FGD5: variants seen among roughly 807,000 people sequenced by gnomAD.
The protein encoded by FGD5 is FYVE, RhoGEF and PH domain containing 5.
FGD5 carries 28 observed loss-of-function variants against 133.4 expected under a neutral mutation model. The observed-to-expected ratio is 0.21, with a 90% CI of 0.16 to 0.29. The LOEUF is 0.29. FGD5 is among the 10% of genes least tolerant of loss of function. The probability of loss-of-function intolerance (pLI) is 1.00; values close to 1 mark genes in which losing one functional copy is unlikely to be tolerated. For synonymous variants in FGD5, 810 were observed against 776.5 expected (o/e 1.04, Z -0.72); for missense variants, 1,858 against 1,895.2 (o/e 0.98, Z 0.36).
chr3:14,908,941 T>TTCATTCATTC (rs1559502063), intron 10 of FGD5, among the ~76,000 whole-genome samples: 5 of 149,844 alleles, frequency 3.3e-5, no homozygotes, highest in African/African-American at 1.2e-4. Context: ...TTTATTTATT[T>TTCATTCATTC]ATTTATTTAT....
At chr3:14,852,840 CTCACT>C (rs2037192917) in intron 1 of FGD5, among the ~76,000 whole-genome samples, 1 of 152,192 alleles carries the variant, frequency 6.6e-6, no homozygotes, top group Non-Finnish European at 1.5e-5. Flanking sequence ...GAAAGGGAGC[CTCACT>C]TCAGACACGA....
intron 1 of FGD5, among the ~76,000 whole-genome samples, chr3:14,846,099 C>T (rs916117494): frequency 2.0e-5 from 3 of 152,130 alleles, no homozygotes; most frequent in African/African-American, 4.8e-5. Flanking sequence ...TGTTTCATGT[C>T]GGAATTATCT....
intron 1 of FGD5, among the ~76,000 whole-genome samples, chr3:14,849,601 G>C (rs2037120068): frequency 6.6e-6 from 1 of 152,140 alleles, no homozygotes; most frequent in Admixed American, 6.5e-5. Flanking sequence ...CACTAAGCTG[G>C]TTGAAAGGAT....
intron 2 of FGD5, among the ~76,000 whole-genome samples, chr3:14,871,642 G>A (rs1307725997): frequency 6.6e-6 from 1 of 152,196 alleles, no homozygotes; most frequent in Non-Finnish European, 1.5e-5. Flanking sequence ...GGGGCTCCAA[G>A]GTTCTGGAGG....
chr3:14,831,973 C>T (rs922714171), intron 1 of FGD5, among the ~76,000 whole-genome samples: 4 of 152,146 alleles, frequency 2.6e-5, no homozygotes, highest in South Asian at 2.1e-4. Flanking sequence ...CCCAGTGTCA[C>T]GGTTCTCAGA....
intron 1 of FGD5, among the ~76,000 whole-genome samples, chr3:14,823,114 A>G (rs1414434837): frequency 6.6e-6 from 1 of 152,202 alleles, no homozygotes; most frequent in East Asian, 1.9e-4. Context: ...TGCGAGCTGC[A>G]AGAGGGGTAG....
At chr3:14,860,129 A>T (rs2037368860) in intron 1 of FGD5, among the ~76,000 whole-genome samples, 1 of 152,184 alleles carries the variant, frequency 6.6e-6, no homozygotes, top group Non-Finnish European at 1.5e-5. Context: ...GCCCAATGAC[A>T]GGAGTGGGAC....
At chr3:14,880,477 T>C in intron 2 of FGD5, 95 bp from the exon 3 acceptor site, 1 of 1,161,534 alleles carries the variant, frequency 8.6e-7, no homozygotes, top group Non-Finnish European at 1.2e-6. Context: ...GGAAATGGTC[T>C]GCAAAATGCT....
At chr3:14,900,576 T>G in intron 8 of FGD5, 123 bp downstream of exon 8, 1 of 1,112,278 alleles carries the variant, frequency 9.0e-7, no homozygotes, top group Non-Finnish European at 1.3e-6. Context: ...GCTGGGTGGG[T>G]TCTGCATATG....
At chr3:14,817,713 G>A (rs1276316612), upstream of FGD5, among the ~76,000 whole-genome samples, 1 of 152,184 alleles carries the variant, frequency 6.6e-6, no homozygotes, top group Admixed American at 6.5e-5. Flanking sequence ...GAGCCAGGCT[G>A]TTATTTTGAG....
chr3:14,817,780 C>A (rs899336501), upstream of FGD5, among the ~76,000 whole-genome samples: 3 of 152,130 alleles, frequency 2.0e-5, no homozygotes, highest in Non-Finnish European at 4.4e-5. Flanking sequence ...TTAGACCAGG[C>A]TGAAGGAGAA....
intron 11 of FGD5, 115 bp downstream of exon 11, chr3:14,911,044 C>T: frequency 1.0e-6 from 1 of 982,014 alleles, no homozygotes. Flanking sequence ...ACAGAGCAGA[C>T]ATTTGGGGGT....
chr3:14,899,426 C>T (rs1282155954), intron 7 of FGD5, among the ~76,000 whole-genome samples: 1 of 152,160 alleles, frequency 6.6e-6, no homozygotes, highest in Non-Finnish European at 1.5e-5. Context: ...CTCCTCTGTT[C>T]TGAGCTCCAG....
intron 2 of FGD5, among the ~76,000 whole-genome samples, chr3:14,868,062 G>A (rs1046564699): frequency 3.3e-5 from 5 of 152,106 alleles, no homozygotes; most frequent in Non-Finnish European, 5.9e-5. Flanking sequence ...GCTCCCACTC[G>A]TAGACACACA....
intron 2 of FGD5, among the ~76,000 whole-genome samples, chr3:14,876,446 A>T (rs947627870): frequency 2.0e-5 from 3 of 152,194 alleles, no homozygotes; most frequent in African/African-American, 7.2e-5. Flanking sequence ...AAATCAGAAA[A>T]TTTTGAAACA....
chr3:14,929,004 C>T (rs772949447), intron 18 of FGD5, among the ~76,000 whole-genome samples: 8 of 152,106 alleles, frequency 5.3e-5, no homozygotes, highest in Non-Finnish European at 1.2e-4. Context: ...GATTAATGCA[C>T]ACACCTACAA....
At chr3:14,925,313 A>G (rs898978627) in intron 17 of FGD5, among the ~76,000 whole-genome samples, 9 of 152,162 alleles carry the variant, frequency 5.9e-5, no homozygotes, top group African/African-American at 1.4e-4. Flanking sequence ...TTTTCTACCC[A>G]GAAGACAACA....
chr3:14,887,744 C>T (rs1338721493), intron 4 of FGD5, among the ~76,000 whole-genome samples: 1 of 151,952 alleles, frequency 6.6e-6, no homozygotes, highest in Non-Finnish European at 1.5e-5. Flanking sequence ...GCATCCAGCC[C>T]AGTCTTCTTG....
At chr3:14,894,523 T>TTTTTTTTTTTA (rs1559496788) in intron 4 of FGD5, among the ~76,000 whole-genome samples, 5 of 124,592 alleles carry the variant, frequency 4.0e-5, no homozygotes, top group Non-Finnish European at 8.7e-5. Context: ...TTTTTTTTTT[T>TTTTTTTTTTTA]TTCCTTTTTT....
Sources: allele counts gnomAD v4.1 joint callset (sites outside exome capture counted in the v4.1 genomes callset), GRCh38; gene constraint gnomAD v4.1.1; transcripts MANE v1.5; gene names NCBI Gene and HGNC (gene_info 2026-07-23, HGNC 2026-07-21).